Variants in ENTPD5 observed in about 807,000 individuals in gnomAD.
ENTPD5 encodes nucleoside diphosphate phosphatase ENTPD5.
In ENTPD5, 49 loss-of-function variants were observed where a neutral mutation model predicts 60.2. That is an observed-to-expected ratio of 0.81 (90% CI 0.65 to 1.03). The LOEUF is 1.03. Among genes scored for constraint, ENTPD5 ranks in the 50% least tolerant of loss-of-function variants. The probability of loss-of-function intolerance (pLI) is 0.00; values close to 1 mark genes in which losing one functional copy is unlikely to be tolerated. For synonymous variants in ENTPD5, 187 were observed against 185.4 expected (o/e 1.01, Z -0.07); for missense variants, 480 against 507.6 (o/e 0.95, Z 0.52).
chr14:73,958,047 C>T, downstream of ENTPD5: 5 of 915,272 alleles, frequency 5.5e-6, no homozygotes, highest in Non-Finnish European at 9.2e-6. Flanking sequence ...TGACAAGACA[C>T]TGCTGTCCTG....
chr14:74,016,490 G>A (rs1351047308), intron 1 of ENTPD5, among the ~76,000 whole-genome samples: 1 of 152,060 alleles, frequency 6.6e-6, no homozygotes, highest in African/African-American at 2.4e-5. Context: ...TACAAAATTA[G>A]CCAGGCATGG....
chr14:73,958,137 A>G (rs765776959), downstream of ENTPD5: 1 of 1,611,748 alleles, frequency 6.2e-7, no homozygotes, highest in Admixed American at 1.7e-5. Flanking sequence ...CTCTCTTTTG[A>G]CCTCCCCAGA....
In ENTPD5 at chr14:74,004,171, CT is replaced by C. The variant is rs1483768551; in HGVS notation, c.-71+6919del. Among the ~76,000 whole-genome samples, 3 of 150,828 alleles carry C rather than the reference CT, an allele frequency of 2.0e-5. No individual in the cohort carries two copies. The East Asian group carries it at 5.8e-4, about 29-fold the overall frequency. On this transcript the variant is annotated intron_variant, in intron 3 of 15. Transcript: ENST00000334696. The stretch of plus-strand genomic sequence containing the variant: ...AATAAAAATATTTATTATCTCATCC[CT>C]TTTTTATTTTTTTGAGACAGAGTCT...
intron 13 of ENTPD5, among the ~76,000 whole-genome samples, chr14:73,972,618 C>G (rs2057274977): frequency 6.6e-6 from 1 of 151,892 alleles, no homozygotes; most frequent in Admixed American, 6.6e-5. Flanking sequence ...CATGACAAAA[C>G]TTAAATTGTA....
chr14:73,977,551 C>T (rs764832348), intron 6 of ENTPD5, among the ~76,000 whole-genome samples, 177 bp from the exon 7 acceptor site: 18 of 152,250 alleles, frequency 1.2e-4, no homozygotes, highest in Admixed American at 5.2e-4. Flanking sequence ...AAGCCATTAC[C>T]AGTTTCTTGC....
downstream of ENTPD5, chr14:73,961,792 T>C: frequency 2.5e-6 from 4 of 1,614,184 alleles, no homozygotes; most frequent in Non-Finnish European, 2.5e-6. Flanking sequence ...ACAACACTGC[T>C]CTTCTGGCTG....
chr14:73,991,531 T>C (rs1418923620), intron 3 of ENTPD5, among the ~76,000 whole-genome samples: 2 of 140,522 alleles, frequency 1.4e-5, no homozygotes, highest in African/African-American at 5.3e-5. Flanking sequence ...GAGGCTGCAG[T>C]GAGTCAAGAT....
chr14:73,973,838 T>C (rs376768501), intron 12 of ENTPD5, 39 bp downstream of exon 12: 2 of 1,569,210 alleles, frequency 1.3e-6, no homozygotes, highest in Non-Finnish European at 1.8e-6. Flanking sequence ...GAGCTTCCAT[T>C]GTAAACGTAA....
At position 73,964,833 on chromosome 14, in the gene ENTPD5, T is replaced by C. The variant is rs143353710; in HGVS notation, c.*2095A>G. ...AGCAGAACTAAGACCACTTAGAAGA[T>C]AGGTAGATTTCAGCTCAATATAAGG... On this transcript the variant is annotated 3_prime_UTR_variant, in exon 16 of 16. Coordinates refer to ENST00000334696, the MANE Select transcript of ENTPD5 (RefSeq NM_001249.5). The C allele has an allele frequency of 6.6e-6, 1 of 152,156 alleles. No individual in the cohort carries two copies. The highest frequency in any genetic ancestry group is 2.4e-5 in the African/African-American group (1 of 41,572). 9.4% of individuals were successfully genotyped at this position (152,156 alleles called of 1,614,324 possible). A position where few individuals can be genotyped will look rare whatever the true frequency, so the allele number is the denominator to read the frequency against.
At chr14:73,983,942 C>T (rs1348619075) in intron 5 of ENTPD5, among the ~76,000 whole-genome samples, 1 of 152,102 alleles carries the variant, frequency 6.6e-6, no homozygotes, top group Non-Finnish European at 1.5e-5. Flanking sequence ...CCACCCACCT[C>T]ACCCTCCCAA....
chr14:74,000,142 G>A (rs1428028647), intron 3 of ENTPD5, among the ~76,000 whole-genome samples: 1 of 150,812 alleles, frequency 6.6e-6, no homozygotes, highest in Non-Finnish European at 1.5e-5. Context: ...ACTCCCTAGA[G>A]GATTTGGAAA....
chr14:74,016,569 G>A (rs1242589960), intron 1 of ENTPD5, among the ~76,000 whole-genome samples: 3 of 152,022 alleles, frequency 2.0e-5, no homozygotes, highest in Non-Finnish European at 4.4e-5. Context: ...CCAGGAGGTC[G>A]AAGCTGTAAT....
downstream of ENTPD5, chr14:73,963,181 G>C (rs2140432350): frequency 5.9e-6 from 4 of 681,226 alleles, no homozygotes; most frequent in East Asian, 1.1e-4. Flanking sequence ...GCTGTGAGGA[G>C]CGTATATTAG....
intron 15 of ENTPD5, among the ~76,000 whole-genome samples, chr14:73,967,729 G>A (rs1001360677): frequency 1.3e-5 from 2 of 150,088 alleles, no homozygotes; most frequent in African/African-American, 4.9e-5. Flanking sequence ...GAACCCGGGA[G>A]GCAGAGGTTG....
At chr14:73,970,831 A>AT (rs879357573) in intron 14 of ENTPD5, among the ~76,000 whole-genome samples, 20 of 147,666 alleles carry the variant, frequency 1.4e-4, no homozygotes, top group East Asian at 2.0e-4. Flanking sequence ...CTTTTTATTA[A>AT]TTTTTTTTTT....
chr14:73,982,838 T>C (rs534337743), intron 6 of ENTPD5, among the ~76,000 whole-genome samples, 180 bp downstream of exon 6: 1 of 152,274 alleles, frequency 6.6e-6, no homozygotes, highest in East Asian at 1.9e-4. Flanking sequence ...GCTCTATACA[T>C]TTAAGAGTGA....
rs1440617617 is a variant in ENTPD5, at chr14:73,973,897, T to C, written c.866A>G (p.Gln289Arg). The stretch of plus-strand genomic sequence containing the variant: ...CTTGCCTTCTTGGTTGCCACCATAC[T>C]GGTATTTCACACCCCCAAAGATCCA... ...AEWIFGGVKYQYGGNQEGEVG... is the reference protein window; with the variant it reads ...AEWIFGGVKYRYGGNQEGEVG... Residue 289 changes from glutamine (Q) to arginine (R), a missense_variant, in exon 12 of 16, where the codon CAG becomes CGG. Coordinates refer to ENST00000334696, the MANE Select transcript of ENTPD5 (RefSeq NM_001249.5). The C allele has an allele frequency of 6.2e-7, 1 of 1,614,112 alleles. No homozygotes were observed. Among genetic ancestry groups the C allele is most frequent in the Non-Finnish European group, 8.5e-7 (1 of 1,179,962 alleles).
chr14:73,981,863 T>C (rs1594880347), intron 6 of ENTPD5, among the ~76,000 whole-genome samples: 1 of 151,280 alleles, frequency 6.6e-6, no homozygotes, highest in East Asian at 1.9e-4. Flanking sequence ...AAAAACTTTA[T>C]GCTGAGAGGA....
chr14:73,975,945 T>A lies in ENTPD5; in HGVS notation c.713A>T (p.Tyr238Phe). The change falls in exon 10 of 16, where the codon TAT becomes TTT. Residue 238 changes from tyrosine to phenylalanine, a missense_variant. Physicochemically the swap from Tyr to Phe is conservative, Grantham distance 22. Coordinates refer to ENST00000334696, the MANE Select transcript of ENTPD5 (RefSeq NM_001249.5). ...CTGTCCCCGTCCTCACCTATGTGTA[T>A]AGAGCTTATAAGTGCTGTTAAACAT... Reference protein sequence around the residue: ...FEMFNSTYKLYTHSYLGFGLK... With the variant: ...FEMFNSTYKLFTHSYLGFGLK... 4 of 1,611,330 alleles carry A rather than the reference T, an allele frequency of 2.5e-6. No individual in the cohort carries two copies. The highest frequency in any genetic ancestry group is 3.4e-6 in the Non-Finnish European group (4 of 1,177,784).
Sources: gnomAD v4.1 joint callset for allele counts (sites outside exome capture counted in the v4.1 genomes callset) on GRCh38, gnomAD v4.1.1 for gene constraint, MANE v1.5 for transcripts, NCBI Gene and HGNC (gene_info 2026-07-23, HGNC 2026-07-21) for gene names.